The following RABGAP1L variants were observed in gnomAD, a reference collection of about 807,000 sequenced individuals.
RABGAP1L encodes the protein rab GTPase-activating protein 1-like.
Under a neutral mutation model 137.7 loss-of-function variants are expected in RABGAP1L, and 63 were observed. The ratio of observed to expected loss-of-function variants is 0.46; its 90% CI spans 0.37 to 0.56. The LOEUF is 0.56. RABGAP1L is among the 20% of genes least tolerant of loss of function. The pLI is 0.00. For synonymous variants in RABGAP1L, 431 were observed against 433.7 expected (o/e 0.99, Z 0.08); for missense variants, 1,095 against 1,244.0 (o/e 0.88, Z 1.80).
At chr1:174,530,537 T>A (rs1199453096) in intron 13 of RABGAP1L, among the ~76,000 whole-genome samples, 2 of 152,138 alleles carry the variant, frequency 1.3e-5, no homozygotes, top group Non-Finnish European at 2.9e-5. Flanking sequence ...CAGGAGTCCA[T>A]GGTGGGAATG....
intron 18 of RABGAP1L, among the ~76,000 whole-genome samples, chr1:174,809,756 A>G (rs1245261805): frequency 1.3e-5 from 2 of 152,224 alleles, no homozygotes; most frequent in African/African-American, 4.8e-5. Context: ...CAGAACTGGT[A>G]TTACATGTGA....
At position 174,410,682 on chromosome 1, in the gene RABGAP1L, C is replaced by T. The variant is rs117495317; in HGVS notation, c.1710+16537C>T. On this transcript the variant is annotated intron_variant, in intron 13 of 25. Coordinates refer to ENST00000681986, the MANE Select transcript of RABGAP1L (RefSeq NM_001366446.1). ...ATGAATTCAGGTAATGTGATGCCTC[C>T]AGCTTTGTTCTTTTTGCTTAGAATG... is the stretch of plus-strand genomic sequence containing the variant. Among the ~76,000 whole-genome samples the T allele has an allele frequency of 1.8e-3, 275 of 152,226 alleles. 3 individuals carry two copies. In the East Asian group the frequency reaches 0.04, roughly 22 times the overall value.
chr1:174,681,300 A>G (rs1678048360), intron 14 of RABGAP1L, among the ~76,000 whole-genome samples: 1 of 152,234 alleles, frequency 6.6e-6, no homozygotes, highest in Non-Finnish European at 1.5e-5. Context: ...TGAAAGCTGG[A>G]AACAGAGGAA....
chr1:174,923,063 T>TG (rs897882642), intron 19 of RABGAP1L, among the ~76,000 whole-genome samples: 2 of 150,714 alleles, frequency 1.3e-5, no homozygotes, highest in East Asian at 2.0e-4. Context: ...CCCAGCTACT[T>TG]GGGGGGTCAA....
At chr1:174,610,958 C>A (rs1671188467) in intron 13 of RABGAP1L, among the ~76,000 whole-genome samples, 1 of 151,352 alleles carries the variant, frequency 6.6e-6, no homozygotes, top group African/African-American at 2.4e-5. Flanking sequence ...GATATTAGCC[C>A]TTTGTCAGAT....
At chr1:174,200,890 T>C (rs1668047565) in intron 1 of RABGAP1L, among the ~76,000 whole-genome samples, 2 of 152,192 alleles carry the variant, frequency 1.3e-5, no homozygotes, top group South Asian at 4.1e-4. Context: ...GAAAAACTTT[T>C]TCAATGTGTC....
intron 18 of RABGAP1L, among the ~76,000 whole-genome samples, chr1:174,783,214 G>A (rs527633494): frequency 5.7e-4 from 87 of 152,250 alleles, no homozygotes; most frequent in African/African-American, 1.9e-3. Flanking sequence ...TTGTTCCTGC[G>A]TGGCTAAATG....
intron 13 of RABGAP1L, among the ~76,000 whole-genome samples, chr1:174,483,917 A>G (rs1348863277): frequency 6.6e-6 from 1 of 152,030 alleles, no homozygotes; most frequent in African/African-American, 2.4e-5. Flanking sequence ...TTTTGTTTAT[A>G]TACTCAATAG....
intron 17 of RABGAP1L, among the ~76,000 whole-genome samples, chr1:174,746,758 G>A (rs773760821): frequency 2.0e-4 from 31 of 152,246 alleles, no homozygotes; most frequent in Middle Eastern, 3.4e-3. Flanking sequence ...ATTGGACTTA[G>A]GAAAGTTACT....
intron 12 of RABGAP1L, among the ~76,000 whole-genome samples, chr1:174,392,405 G>C (rs1339184369): frequency 6.6e-6 from 1 of 152,058 alleles, no homozygotes; most frequent in South Asian, 2.1e-4. Context: ...TTGTCACTTG[G>C]CAGCATAACT....
At chr1:174,582,865 ATTGTT>A (rs1281342451) in intron 13 of RABGAP1L, among the ~76,000 whole-genome samples, 3 of 152,170 alleles carry the variant, frequency 2.0e-5, no homozygotes, top group Non-Finnish European at 4.4e-5. Context: ...ATGGTGCTTC[ATTGTT>A]TAGAAATCAC....
chr1:174,810,001 T>C (rs1573308171), intron 18 of RABGAP1L, among the ~76,000 whole-genome samples: 1 of 152,240 alleles, frequency 6.6e-6, no homozygotes, highest in South Asian at 2.1e-4. Flanking sequence ...TGAGATGTAC[T>C]GGAGTTTTTT....
chr1:174,635,109 T>G (rs1328411515), intron 13 of RABGAP1L, among the ~76,000 whole-genome samples: 1 of 151,900 alleles, frequency 6.6e-6, no homozygotes, highest in Admixed American at 6.6e-5. Context: ...TTAGGCAAAT[T>G]TACTCTCTAG....
At chr1:174,913,002 G>A (rs1280547527) in intron 19 of RABGAP1L, among the ~76,000 whole-genome samples, 1 of 149,804 alleles carries the variant, frequency 6.7e-6, no homozygotes, top group African/African-American at 2.5e-5. Context: ...TTGAGATGAA[G>A]TCTCACTCTG....
intron 10 of RABGAP1L, among the ~76,000 whole-genome samples, chr1:174,294,755 G>A (rs1225214695): frequency 2.0e-5 from 3 of 152,126 alleles, no homozygotes; most frequent in South Asian, 4.1e-4. Context: ...GGGAAGTAAA[G>A]ATAAACAAGA....
chr1:174,305,057 C>G lies in RABGAP1L; in HGVS notation c.1395C>G (p.Asp465Glu), dbSNP rs199975855. 2 of 1,561,370 alleles carry G rather than the reference C, an allele frequency of 1.3e-6. No homozygotes were observed. Among genetic ancestry groups the G allele is most frequent in the Non-Finnish European group, 8.6e-7 (1 of 1,158,888 alleles). ...YEVVSLQRESDKEEPVTPTSG... is the reference protein window; with the variant it reads ...YEVVSLQRESEKEEPVTPTSG... ...TGGTGAGTCTACAGCGAGAGTCTGA[C>G]AAGGAGGAACCAGTCACTCCTACTA... Residue 465 changes from aspartate to glutamate, a missense_variant, in exon 11 of 26, where the codon GAC (aspartate) becomes GAG (glutamate). By Grantham distance (45) the Asp-to-Glu change is conservative. Around this residue, in one of 4 missense-constraint regions of RABGAP1L, gnomAD observed 315 missense variants for 324.8 expected, o/e 0.97. Transcript: ENST00000681986.
At chr1:174,939,564 A>G (rs1665490648) in intron 19 of RABGAP1L, among the ~76,000 whole-genome samples, 1 of 151,548 alleles carries the variant, frequency 6.6e-6, no homozygotes, top group Non-Finnish European at 1.5e-5. Flanking sequence ...AAAAAAAAAG[A>G]AAAAAAGAAA....
At chr1:174,745,363 T>C (rs1683790028) in intron 17 of RABGAP1L, among the ~76,000 whole-genome samples, 1 of 152,194 alleles carries the variant, frequency 6.6e-6, no homozygotes, top group Non-Finnish European at 1.5e-5. Flanking sequence ...CACCATATTC[T>C]ACTGGTAAAA....
intron 21 of RABGAP1L, among the ~76,000 whole-genome samples, chr1:174,971,751 A>G (rs1436531265): frequency 6.6e-6 from 1 of 152,242 alleles, no homozygotes; most frequent in Non-Finnish European, 1.5e-5. Context: ...CTGAGAGTGA[A>G]AAGTACTGGC....
Sources: gnomAD v4.1 joint callset for allele counts (sites outside exome capture counted in the v4.1 genomes callset) on GRCh38, gnomAD v4.1.1 for gene constraint, gnomAD v4.1.1 regional missense constraint, MANE v1.5 for transcripts, NCBI Gene and HGNC (gene_info 2026-07-23, HGNC 2026-07-21) for gene names.